PIWIL1: variants seen among roughly 807,000 people sequenced by gnomAD.
PIWIL1 encodes the protein piwi-like protein 1.
PIWIL1 carries 73 observed loss-of-function variants against 114.4 expected under a neutral mutation model. The observed-to-expected ratio is 0.64, with a 90% CI of 0.53 to 0.78. The LOEUF (loss-of-function observed/expected upper bound fraction) is 0.78, where lower values mean the gene tolerates loss of function less well. Ranked by LOEUF, PIWIL1 falls within the 30% of genes least tolerant of loss-of-function variation. The probability of loss-of-function intolerance (pLI) is 0.00; values close to 1 mark genes in which losing one functional copy is unlikely to be tolerated. For synonymous variants in PIWIL1, 375 were observed against 369.0 expected, an observed-to-expected ratio of 1.02 and a Z score of -0.19; for missense variants, 723 against 1,063.1, an observed-to-expected ratio of 0.68 and a Z score of 4.45.
intron 7 of PIWIL1, among the ~76,000 whole-genome samples, chr12:130,348,934 G>A (rs1376351363): frequency 6.6e-6 from 1 of 152,080 alleles, no homozygotes; most frequent in African/African-American, 2.4e-5. Flanking sequence ...AGCCCAACAG[G>A]TTTAAGTTTA....
intron 7 of PIWIL1, among the ~76,000 whole-genome samples, chr12:130,348,959 G>A (rs1045019839): frequency 6.6e-6 from 1 of 152,142 alleles, no homozygotes; most frequent in Non-Finnish European, 1.5e-5. Flanking sequence ...AATAATTGTG[G>A]TGCTTTCAAT....
At chr12:130,415,046 C>T in the PIWIL1 span, among the ~76,000 whole-genome samples, 37 of 152,180 alleles carry the variant, frequency 2.4e-4, no homozygotes, top group African/African-American at 8.9e-4. Flanking sequence ...CACCCTAACT[C>T]ATTCTATGAA....
rs752189715 is a variant in PIWIL1 at position 130,355,676 on chromosome 12, GT to G, written c.1404+14del. On this transcript the variant is annotated intron_variant, in intron 12 of 20. Transcript: ENST00000245255. ...ACCAAGGTGGAAAAACAGTAAGGCAGTTTTTCGTTGGTGTTGTTGTTGTTTT... is the reference window on the plus strand; with the variant it reads ...ACCAAGGTGGAAAAACAGTAAGGCAGTTTTCGTTGGTGTTGTTGTTGTTTT... 1 of 1,570,476 alleles carries G rather than the reference GT, an allele frequency of 6.4e-7. No individual in the cohort carries two copies. The highest frequency in any genetic ancestry group is 8.8e-7 in the Non-Finnish European group (1 of 1,140,102).
rs2073395391 is a variant in PIWIL1, at chr12:130,357,494, G to A, written c.1606G>A (p.Asp536Asn). ...CTTTCATTCTAGGATTGAAGTGGAT[G>A]ACAGAACTGAAGCCTACTTAAGAGT... ...MRKAIMIEVDDRTEAYLRVLQ... is the reference protein window; with the variant it reads ...MRKAIMIEVDNRTEAYLRVLQ... The change falls in exon 14 of 21, where the codon GAC (aspartate) becomes AAC (asparagine). Residue 536 changes from aspartate (D) to asparagine (N), a missense_variant. Transcript: ENST00000245255. The A allele has an allele frequency of 6.2e-7, 1 of 1,613,006 alleles. No homozygotes were observed. The highest frequency in any genetic ancestry group is 8.5e-7 in the Non-Finnish European group (1 of 1,179,074).
chr12:130,417,211 A>G, the PIWIL1 span, among the ~76,000 whole-genome samples: 1 of 152,240 alleles, frequency 6.6e-6, no homozygotes, highest in Non-Finnish European at 1.5e-5. Flanking sequence ...TAGAACTACC[A>G]TTTGACACAC....
intron 1 of PIWIL1, chr12:130,342,275 C>CT (rs1565939032): frequency 2.9e-6 from 1 of 345,668 alleles, no homozygotes; most frequent in Non-Finnish European, 5.4e-6. Context: ...CATCCTAATT[C>CT]TTTCAGCACT....
At chr12:130,342,374 A>G (rs1462981126) in intron 1 of PIWIL1, 1 of 572,066 alleles carries the variant, frequency 1.7e-6, no homozygotes, top group Admixed American at 3.1e-5. Flanking sequence ...GCCCTACTGC[A>G]GTGCCCAGTG....
At chr12:130,353,858 G>A (rs1423744389) in intron 9 of PIWIL1, among the ~76,000 whole-genome samples, 2 of 151,764 alleles carry the variant, frequency 1.3e-5, no homozygotes, top group Admixed American at 6.6e-5. Context: ...CCCGGGAGGC[G>A]GAGGTTGCAG....
chr12:130,355,915 C>A (rs533692634), intron 12 of PIWIL1, among the ~76,000 whole-genome samples: 3 of 152,264 alleles, frequency 2.0e-5, no homozygotes, highest in Admixed American at 6.5e-5. Context: ...CTCTATCAAC[C>A]CACATGAACA....
chr12:130,402,357 C>T, the PIWIL1 span, among the ~76,000 whole-genome samples: 4 of 152,192 alleles, frequency 2.6e-5, no homozygotes, highest in Admixed American at 2.0e-4. Context: ...CTCCCCCAGA[C>T]GACATTCTCT....
chr12:130,405,269 GTA>G, the PIWIL1 span, among the ~76,000 whole-genome samples: 1 of 152,208 alleles, frequency 6.6e-6, no homozygotes, highest in Admixed American at 6.5e-5. Context: ...ATGTGACAAA[GTA>G]TGAATATCCT....
chr12:130,355,432 C>A, intron 11 of PIWIL1, 121 bp from the exon 12 acceptor site: 1 of 749,008 alleles, frequency 1.3e-6, no homozygotes, highest in South Asian at 1.6e-5. Flanking sequence ...GCATTCTCAC[C>A]AGCGCCTTCA....
At chr12:130,367,697 C>T (rs547979222) in intron 19 of PIWIL1, among the ~76,000 whole-genome samples, 11 of 152,280 alleles carry the variant, frequency 7.2e-5, no homozygotes, top group African/African-American at 2.2e-4. Flanking sequence ...CTGCACTCAC[C>T]GACCGCAAGA....
intron 18 of PIWIL1, among the ~76,000 whole-genome samples, chr12:130,363,779 G>A (rs2073581999): frequency 6.6e-6 from 1 of 151,814 alleles, no homozygotes; most frequent in South Asian, 2.1e-4. Flanking sequence ...CACCACACCT[G>A]GCTAATTTAT....
At chr12:130,350,224 C>T (rs531905658) in intron 9 of PIWIL1, among the ~76,000 whole-genome samples, 1 of 152,290 alleles carries the variant, frequency 6.6e-6, no homozygotes, top group African/African-American at 2.4e-5. Context: ...TGAATTGAAG[C>T]CTATGGAGGA....
At chr12:130,365,387 C>T (rs534918827) in intron 18 of PIWIL1, among the ~76,000 whole-genome samples, 2 of 152,318 alleles carry the variant, frequency 1.3e-5, no homozygotes, top group Non-Finnish European at 2.9e-5. Flanking sequence ...GGACTTCACA[C>T]AGTATCCAGT....
intron 7 of PIWIL1, 42 bp downstream of exon 7, chr12:130,348,225 G>T: frequency 8.4e-7 from 1 of 1,185,064 alleles, no homozygotes; most frequent in East Asian, 2.4e-5. Flanking sequence ...TAGGCTTAAT[G>T]ACAGACTTTT....
chr12:130,409,357 T>TG, the PIWIL1 span, among the ~76,000 whole-genome samples: 2 of 140,262 alleles, frequency 1.4e-5, no homozygotes, highest in Non-Finnish European at 3.0e-5. Flanking sequence ...TTTTTTTTTT[T>TG]TTTGAGATGG....
At chr12:130,416,903 G>A in the PIWIL1 span, among the ~76,000 whole-genome samples, 6 of 151,670 alleles carry the variant, frequency 4.0e-5, no homozygotes, top group Non-Finnish European at 5.9e-5. Context: ...CAAAGGACAT[G>A]AATAGACTTC....
Sources: allele counts gnomAD v4.1 joint callset (sites outside exome capture counted in the v4.1 genomes callset), GRCh38; gene constraint gnomAD v4.1.1; transcripts MANE v1.5; gene names NCBI Gene and HGNC (gene_info 2026-07-23, HGNC 2026-07-21).